The following MORN1 variants were observed in gnomAD, a reference collection of about 807,000 sequenced individuals.
The protein encoded by MORN1 is MORN repeat-containing protein 1.
In MORN1, 67 loss-of-function variants were observed where a neutral mutation model predicts 61.9. That is an observed-to-expected ratio of 1.08 (90% CI 0.89 to 1.33). The LOEUF is 1.33. MORN1 is among the 40% of genes most tolerant of loss of function. MORN1 has a pLI of 0.00. For missense variants in MORN1, 752 were observed against 691.2 expected (o/e 1.09, Z -0.99); for synonymous variants, 301 against 292.0 (o/e 1.03, Z -0.31).
At chr1:2,326,349 G>T (rs1482101894) in intron 12 of MORN1, 2 of 152,160 alleles carry the variant, frequency 1.3e-5, no homozygotes, top group Non-Finnish European at 2.9e-5. Flanking sequence ...CTGCCAGGCT[G>T]CCAGCCTAAG....
At chr1:2,356,427 G>GC (rs1641771057) in intron 10 of MORN1, among the ~76,000 whole-genome samples, 1 of 152,130 alleles carries the variant, frequency 6.6e-6, no homozygotes, top group Non-Finnish European at 1.5e-5. Flanking sequence ...TCTCAGATCT[G>GC]CCCTGTGCTC....
Position 2,357,211 on chromosome 1 carries a change from G to T in MORN1, c.1036+221C>A, listed in dbSNP as rs138641112. Among the ~76,000 whole-genome samples the T allele has an allele frequency of 3.9e-5, 6 of 152,312 alleles. No individual in the cohort carries two copies. Among genetic ancestry groups the T allele is most frequent in the East Asian group, 1.9e-4 (1 of 5,188 alleles). ...AGGCTGCAGCCCCTGCCAGGCTCAC[G>T]GCAGACGAACAATCGGCTTGAGCCT... On this transcript the variant is annotated intron_variant, in intron 10 of 13. Coordinates refer to ENST00000378531, the MANE Select transcript of MORN1 (RefSeq NM_024848.3). The surrounding 1 kb of genome is among the most constrained non-coding windows in gnomAD (Gnocchi z 6.3).
At chr1:2,360,265 T>C (rs1323179614) in intron 8 of MORN1, among the ~76,000 whole-genome samples, 1 of 152,142 alleles carries the variant, frequency 6.6e-6, no homozygotes, top group African/African-American at 2.4e-5. Context: ...ATGTCAAATG[T>C]AAAAACACTA....
chr1:2,324,703 G>A (rs550544661), intron 12 of MORN1, among the ~76,000 whole-genome samples: 5 of 152,274 alleles, frequency 3.3e-5, no homozygotes, highest in East Asian at 1.9e-4. Flanking sequence ...GGGTCCTGCC[G>A]GGGCCTCCCC....
intron 13 of MORN1, 74 bp from the exon 14 acceptor site, chr1:2,321,653 C>G: frequency 1.4e-6 from 2 of 1,414,972 alleles, no homozygotes; most frequent in Non-Finnish European, 1.8e-6. Flanking sequence ...CCACTGCCCA[C>G]TGTCTCATGT....
At chr1:2,384,032 T>C (rs1392556548) in intron 6 of MORN1, among the ~76,000 whole-genome samples, 6 of 152,266 alleles carry the variant, frequency 3.9e-5, no homozygotes, top group Admixed American at 3.9e-4. Flanking sequence ...TTTTGGTAGC[T>C]AGCTGCCTCG....
At chr1:2,343,014 C>T (rs944432124) in intron 10 of MORN1, among the ~76,000 whole-genome samples, 10 of 151,978 alleles carry the variant, frequency 6.6e-5, no homozygotes, top group South Asian at 2.1e-4. Context: ...GCTGGGATCA[C>T]GGGCGTGGCC....
At chr1:2,321,646 C>G in intron 13 of MORN1, 67 bp from the exon 14 acceptor site, 1 of 1,422,948 alleles carries the variant, frequency 7.0e-7, no homozygotes, top group Non-Finnish European at 9.2e-7. Flanking sequence ...CCTCAGCCCA[C>G]TGCCCACTGT....
At chr1:2,381,585 A>C (rs1199224273) in intron 6 of MORN1, among the ~76,000 whole-genome samples, 2 of 152,196 alleles carry the variant, frequency 1.3e-5, no homozygotes, top group Non-Finnish European at 2.9e-5. Context: ...CCTGGACGGC[A>C]GAGGAGTGGG....
intron 10 of MORN1, among the ~76,000 whole-genome samples, chr1:2,349,442 C>T (rs955040185): frequency 6.6e-5 from 10 of 152,210 alleles, no homozygotes; most frequent in Non-Finnish European, 1.0e-4. Flanking sequence ...TAGCCACACG[C>T]ACATCCCGAA....
intron 12 of MORN1, among the ~76,000 whole-genome samples, chr1:2,325,012 G>C (rs1289299492): frequency 6.6e-6 from 1 of 151,660 alleles, no homozygotes; most frequent in Non-Finnish European, 1.5e-5. Context: ...CTGCTGCAAG[G>C]ACGAGGGGCT....
chr1:2,345,364 C>T (rs79827799), intron 10 of MORN1, among the ~76,000 whole-genome samples: 4,249 of 152,356 alleles, frequency 0.028, 214 homozygotes, highest in African/African-American at 0.097. Flanking sequence ...TCCCTGTTGG[C>T]GGCCAGGCAT....
rs570685657 is a variant in MORN1 at position 2,327,067 on chromosome 1, AAC to A, written c.1251-2926_1251-2925del. ...AAACACAGAGACACAGAAATACAGA[AAC>A]ACAGAAACAAACACAGAGACACAGA... On this transcript the variant is annotated intron_variant, in intron 12 of 13. Coordinates refer to ENST00000378531, the MANE Select transcript of MORN1 (RefSeq NM_024848.3). Among the ~76,000 whole-genome samples the A allele has an allele frequency of 1.8e-4, 27 of 152,140 alleles. No individual in the cohort carries two copies. The East Asian group carries it at 2.5e-3, about 14-fold the overall frequency.
rs998847378 is a variant in MORN1 at position 2,358,326 on chromosome 1, G to A, written c.869+266C>T. On this transcript the variant is annotated intron_variant, in intron 9 of 13. Coordinates refer to ENST00000378531, the MANE Select transcript of MORN1 (RefSeq NM_024848.3). Reference sequence around the variant, plus strand: ...TGTCTCCACTCCAGACACGGACCCAGGCCCAGAGGCTTGGGGGCCGAGCGC... The same window carrying A: ...TGTCTCCACTCCAGACACGGACCCAAGCCCAGAGGCTTGGGGGCCGAGCGC... Among the ~76,000 whole-genome samples the A allele has an allele frequency of 2.6e-5, 4 of 152,154 alleles. No homozygotes were observed. The East Asian group carries it at 7.7e-4, about 29-fold the overall frequency.
chr1:2,347,529 C>T (rs930918949), intron 10 of MORN1, among the ~76,000 whole-genome samples: 3 of 152,184 alleles, frequency 2.0e-5, no homozygotes, highest in Admixed American at 2.0e-4. Context: ...CAGGCCCACA[C>T]ACCCCATGAC....
intron 10 of MORN1, chr1:2,351,426 T>C (rs1298498321): frequency 6.2e-6 from 1 of 161,974 alleles, no homozygotes; most frequent in Non-Finnish European, 1.3e-5. Context: ...GCCAGCCCTC[T>C]CTGGGACTTT....
intron 5 of MORN1, 22 bp downstream of exon 5, chr1:2,385,785 T>A (rs1256031532): frequency 3.1e-6 from 5 of 1,607,286 alleles, no homozygotes; most frequent in Non-Finnish European, 4.3e-6. Flanking sequence ...CGCCAGGCAG[T>A]ACCCACAAGA....
chr1:2,372,404 G>T lies in MORN1; in HGVS notation c.745+77C>A. 8.9e-7 allele frequency: 1 copy of T among 1,126,412 alleles called. No homozygotes were observed. The highest frequency in any genetic ancestry group is 1.3e-6 in the Non-Finnish European group (1 of 779,342). 69.8% of individuals were successfully genotyped at this position (1,126,412 alleles called of 1,614,324 possible). ...AGGAGCCACATGCAACATCTCGTCCGCATCTTCACTGCTTAAGAACCTGCT... is the reference window on the plus strand; with the variant it reads ...AGGAGCCACATGCAACATCTCGTCCTCATCTTCACTGCTTAAGAACCTGCT... On this transcript the variant is annotated intron_variant, in intron 8 of 13. Transcript: ENST00000378531. This position sits in a 1 kb window ranked among gnomAD's most constrained non-coding sequence, Gnocchi z 5.4.
Position 2,357,227 on chromosome 1 carries a change from G to A in MORN1, c.1036+205C>T, listed in dbSNP as rs1200363069. On this transcript the variant is annotated intron_variant, in intron 10 of 13. Coordinates refer to ENST00000378531, the MANE Select transcript of MORN1 (RefSeq NM_024848.3). The surrounding 1 kb of genome is among the most constrained non-coding windows in gnomAD (Gnocchi z 6.3). The stretch of plus-strand genomic sequence containing the variant: ...CAGGCTCACGGCAGACGAACAATCG[G>A]CTTGAGCCTCCGCAGCCACCCGTGA... Among the ~76,000 whole-genome samples, 7 of 152,324 alleles carry A rather than the reference G, an allele frequency of 4.6e-5. No individual in the cohort carries two copies. In the East Asian group the frequency reaches 1.3e-3, roughly 29 times the overall value.
Sources: gnomAD v4.1 joint callset for allele counts (sites outside exome capture counted in the v4.1 genomes callset) on GRCh38, gnomAD v4.1.1 for gene constraint, Gnocchi (gnomAD v3.1) non-coding constraint, MANE v1.5 for transcripts, NCBI Gene and HGNC (gene_info 2026-07-23, HGNC 2026-07-21) for gene names.